MYO18A: variants seen among roughly 807,000 people sequenced by gnomAD.
MYO18A encodes myosin XVIIIA.
Under a neutral mutation model 235.8 loss-of-function variants are expected in MYO18A, and 78 were observed. That is an observed-to-expected ratio of 0.33 (90% CI 0.28 to 0.40). MYO18A has a LOEUF of 0.40. Ranked by LOEUF, MYO18A falls within the 10% of genes least tolerant of loss-of-function variation. MYO18A has a pLI of 1.00. For missense variants in MYO18A, 2,215 were observed against 2,699.3 expected (o/e 0.82, Z 3.98); for synonymous variants, 977 against 1,077.8 (o/e 0.91, Z 1.83).
chr17:29,122,949 C>T (rs2067236108), intron 2 of MYO18A, among the ~76,000 whole-genome samples: 1 of 152,246 alleles, frequency 6.6e-6, no homozygotes, highest in Non-Finnish European at 1.5e-5. Flanking sequence ...AGTGGACACG[C>T]TAATGCCATA....
rs1483111437 is a variant in MYO18A at position 29,120,742 on chromosome 17, A to T, written c.1602T>A (p.Ala534=). ...NKVFSVEKWQ[A]LYTLLEAFGN... ...CAAAGGCTTCCAGGAGGGTGTACAG[A>T]GCCTGCCACTTCTCCACTGCAGAAT... Residue 534 remains alanine (A), a synonymous_variant, in exon 7 of 42, where the codon GCT becomes GCA. Transcript: ENST00000527372. This position sits in a 1 kb window ranked among gnomAD's most constrained non-coding sequence, Gnocchi z 4.2. 7 of 1,613,566 alleles carry T rather than the reference A, an allele frequency of 4.3e-6. No homozygotes were observed. The highest frequency in any genetic ancestry group is 5.9e-6 in the Non-Finnish European group (7 of 1,179,700).
At chr17:29,084,215 G>A (rs551682348) in intron 40 of MYO18A, among the ~76,000 whole-genome samples, 16 of 152,240 alleles carry the variant, frequency 1.1e-4, no homozygotes, top group African/African-American at 3.4e-4. Flanking sequence ...TGGTGTACCT[G>A]TGTGTGTGCA....
rs150117494 is a variant in MYO18A at position 29,100,522 on chromosome 17, C to T, written c.3508-760G>A. Among the ~76,000 whole-genome samples, 278 of 152,330 alleles carry T rather than the reference C, an allele frequency of 1.8e-3. 1 individual carries two copies. The highest frequency in any genetic ancestry group is 0.01 in the Middle Eastern group (3 of 294). ...GGCATGTGCAGAACCAGCTGGGTGCCCCCACGCCCGGCCTTTCCTTAACAC... is the reference window on the plus strand; with the variant it reads ...GGCATGTGCAGAACCAGCTGGGTGCTCCCACGCCCGGCCTTTCCTTAACAC... On this transcript the variant is annotated intron_variant, in intron 21 of 41. Coordinates refer to ENST00000527372, the MANE Select transcript of MYO18A (RefSeq NM_078471.4).
chr17:29,128,261 T>C (rs1598350308), intron 2 of MYO18A: 11 of 1,169,424 alleles, frequency 9.4e-6, no homozygotes, highest in Non-Finnish European at 1.2e-5. Context: ...TCGAGTCGGG[T>C]GCTCGGGGGA....
chr17:29,176,478 A>T (rs1036275429), intron 1 of MYO18A: 7 of 152,044 alleles, frequency 4.6e-5, no homozygotes, highest in South Asian at 4.2e-4. Context: ...TACTTAGGTC[A>T]GTCCTCCCAC....
Position 29,139,488 on chromosome 17 carries a change from G to A in MYO18A, c.1000-17235C>T, listed in dbSNP as rs191474593. Among the ~76,000 whole-genome samples the A allele has an allele frequency of 3.2e-3, 480 of 152,212 alleles. 2 individuals carry two copies. Among genetic ancestry groups the A allele is most frequent in the African/African-American group, 0.011 (441 of 41,544 alleles). On this transcript the variant is annotated intron_variant, in intron 2 of 41. Transcript: ENST00000527372. ...TGGTGCCAGTTTGGGGGCTGAGGCA[G>A]GGCAGTCCTGAGCACAGAGAGATAC...
At position 29,109,881 on chromosome 17, in the gene MYO18A, T is replaced by C. The variant is rs1165666079; in HGVS notation, c.3308A>G (p.Asp1103Gly). ...RTQLRGSRLL[D>G]AMRMYRQGYP... ...ACCTTGGCGGTACATGCGCATGGCA[T>C]CGAGCAGGCGGGAGCCGCGGAGCTG... The change falls in exon 19 of 42, where the codon GAT (aspartate) becomes GGT (glycine). Residue 1103 changes from aspartate to glycine, a missense_variant. Coordinates refer to ENST00000527372, the MANE Select transcript of MYO18A (RefSeq NM_078471.4). The surrounding 1 kb of genome is among the most constrained non-coding windows in gnomAD (Gnocchi z 4.1). 4 of 1,565,948 alleles carry C rather than the reference T, an allele frequency of 2.6e-6. No individual in the cohort carries two copies. Among genetic ancestry groups the C allele is most frequent in the Non-Finnish European group, 3.5e-6 (4 of 1,155,504 alleles).
intron 2 of MYO18A, chr17:29,131,314 T>C (rs1234303562): frequency 3.5e-6 from 3 of 861,614 alleles, no homozygotes; most frequent in Non-Finnish European, 4.2e-6. Context: ...CACACACACA[T>C]GCACGCATGC....
intron 2 of MYO18A, among the ~76,000 whole-genome samples, chr17:29,139,853 C>T (rs1027745949): frequency 1.3e-5 from 2 of 152,156 alleles, no homozygotes; most frequent in Non-Finnish European, 2.9e-5. Context: ...TCCCTGACAA[C>T]TCCAAGGACC....
Position 29,098,251 on chromosome 17 carries a change from C to G in MYO18A, c.3871-27G>C, listed in dbSNP as rs2066570234. 6 of 1,613,612 alleles carry G rather than the reference C, an allele frequency of 3.7e-6. No homozygotes were observed. The East Asian group carries it at 1.3e-4, about 36-fold the overall frequency. ...TGGGGTTGGGGGTAGGGAGTCACCA[C>G]CAGTTGAAGTGCCTGCCTCACTCAG... On this transcript the variant is annotated intron_variant, in intron 24 of 41. Transcript: ENST00000527372.
chr17:29,122,049 A>C, intron 3 of MYO18A, 92 bp from the exon 4 acceptor site: 1 of 1,513,138 alleles, frequency 6.6e-7, no homozygotes, highest in Non-Finnish European at 9.2e-7. Flanking sequence ...CCCCCACTGC[A>C]TCACCAGCCT....
In MYO18A at chr17:29,073,731, GA is replaced by G. The variant is rs1475611172; in HGVS notation, c.*1038del. ...CCAGACCACATGGTGTTGTGTCTGGGATAAGTGTGTGGGGGCAGGGAGGTTG... is the reference window on the plus strand; with the variant it reads ...CCAGACCACATGGTGTTGTGTCTGGGTAAGTGTGTGGGGGCAGGGAGGTTG... On this transcript the variant is annotated 3_prime_UTR_variant, in exon 42 of 42. Transcript: ENST00000527372. 1 of 1,017,974 alleles carries G rather than the reference GA, an allele frequency of 9.8e-7. No homozygotes were observed. 63.1% of individuals were successfully genotyped at this position (1,017,974 alleles called of 1,614,324 possible).
chr17:29,171,101 C>T (rs921217782), intron 1 of MYO18A, among the ~76,000 whole-genome samples: 7 of 152,046 alleles, frequency 4.6e-5, no homozygotes, highest in Non-Finnish European at 8.8e-5. Context: ...ATATTGATAG[C>T]GGTTTGGGTT....
rs559715220 is a variant in MYO18A at position 29,089,774 on chromosome 17, C to T, written c.5526+187G>A. The stretch of plus-strand genomic sequence containing the variant: ...AAACAGAATGTAAAGCAGGCGGGCT[C>T]CACGGTAGCCAGAGAGCAGGCCAGG... On this transcript the variant is annotated intron_variant, in intron 37 of 41. Coordinates refer to ENST00000527372, the MANE Select transcript of MYO18A (RefSeq NM_078471.4). Among the ~76,000 whole-genome samples, 4 of 152,350 alleles carry T rather than the reference C, an allele frequency of 2.6e-5. No homozygotes were observed. The South Asian group carries it at 8.3e-4, about 32-fold the overall frequency.
Position 29,155,671 on chromosome 17 carries a change from C to A in MYO18A, c.999+10271G>T, listed in dbSNP as rs546449485. 5.3e-5 allele frequency among the ~76,000 whole-genome samples: 8 copies of A among 152,336 alleles called. No individual in the cohort carries two copies. In the East Asian group the frequency reaches 1.5e-3, roughly 29 times the overall value. On this transcript the variant is annotated intron_variant, in intron 2 of 41. Coordinates refer to ENST00000527372, the MANE Select transcript of MYO18A (RefSeq NM_078471.4). ...TGAATTCGGCAGGGCCACCTCCAAC[C>A]GAGGCTGGGTGGCCCCAGTAGGCCA...
chr17:29,094,353 A>T (rs1220620995), intron 30 of MYO18A: 1 of 598,762 alleles, frequency 1.7e-6, no homozygotes, highest in Admixed American at 3.0e-5. Flanking sequence ...AGCTCCCTGA[A>T]CTGACTTGGT....
rs570772737 is a variant in MYO18A, at chr17:29,144,469, G to A, written c.999+21473C>T. ...CTTCCCTGAAACCCAAGACCCACCC[G>A]GCAATGCAAAGAACGTGGGCTTGGC... On this transcript the variant is annotated intron_variant, in intron 2 of 41. Coordinates refer to ENST00000527372, the MANE Select transcript of MYO18A (RefSeq NM_078471.4). 9.2e-5 allele frequency among the ~76,000 whole-genome samples: 14 copies of A among 152,230 alleles called. 1 individual carries two copies. In the East Asian group the frequency reaches 1.9e-3, roughly 21 times the overall value.
At chr17:29,099,607 G>A in intron 22 of MYO18A, 27 bp downstream of exon 22, 1 of 1,606,458 alleles carries the variant, frequency 6.2e-7, no homozygotes, top group Non-Finnish European at 8.5e-7. Context: ...AGGTTGGGGA[G>A]GGGGAGGGAT....
At chr17:29,123,459 A>G (rs948820797) in intron 2 of MYO18A, among the ~76,000 whole-genome samples, 6 of 152,242 alleles carry the variant, frequency 3.9e-5, no homozygotes, top group African/African-American at 1.4e-4. Flanking sequence ...TCAGGAAAAG[A>G]TAAGAAAACA....
Sources: gnomAD v4.1 joint callset for allele counts (sites outside exome capture counted in the v4.1 genomes callset) on GRCh38, gnomAD v4.1.1 for gene constraint, Gnocchi (gnomAD v3.1) non-coding constraint, MANE v1.5 for transcripts, NCBI Gene and HGNC (gene_info 2026-07-23, HGNC 2026-07-21) for gene names.